The following FAF1 variants were observed in gnomAD, a reference collection of about 807,000 sequenced individuals.
FAF1 encodes the protein FAS-associated factor 1.
FAF1 carries 25 observed loss-of-function variants against 92.5 expected under a neutral mutation model. The observed-to-expected ratio is 0.27, with a 90% CI of 0.20 to 0.38. The LOEUF (loss-of-function observed/expected upper bound fraction) is 0.38, where lower values mean the gene tolerates loss of function less well. Ranked by LOEUF, FAF1 falls within the 10% of genes least tolerant of loss-of-function variation. The probability of loss-of-function intolerance (pLI) is 1.00; values close to 1 mark genes in which losing one functional copy is unlikely to be tolerated. For synonymous variants in FAF1, 234 were observed against 273.2 expected (o/e 0.86, Z 1.42); for missense variants, 636 against 793.3 (o/e 0.80, Z 2.38).
chr1:50,559,767 CA>C (rs1293208868), intron 13 of FAF1, among the ~76,000 whole-genome samples: 2 of 152,128 alleles, frequency 1.3e-5, no homozygotes, highest in Non-Finnish European at 1.5e-5. Context: ...TCCCTCTTCA[CA>C]AAACAAACCA....
chr1:50,531,347 T>C (rs907663020), intron 15 of FAF1, among the ~76,000 whole-genome samples: 1 of 152,110 alleles, frequency 6.6e-6, no homozygotes, highest in Non-Finnish European at 1.5e-5. Flanking sequence ...AATAAACAAA[T>C]GAAACAATAA....
intron 4 of FAF1, among the ~76,000 whole-genome samples, chr1:50,746,405 G>C (rs1476192779): frequency 6.9e-6 from 1 of 144,004 alleles, no homozygotes; most frequent in Non-Finnish European, 1.5e-5. Flanking sequence ...CTGGGGTCAA[G>C]CAATTCTCCT....
At chr1:50,643,679 G>A (rs1442539891) in intron 8 of FAF1, among the ~76,000 whole-genome samples, 9 of 152,178 alleles carry the variant, frequency 5.9e-5, no homozygotes, top group Admixed American at 1.3e-4. Flanking sequence ...AGCAACCTCC[G>A]CCTCCCAGAT....
rs976406059 is a variant in FAF1, at chr1:50,440,378, A to G, written c.*1062T>C. 1.3e-5 allele frequency: 2 copies of G among 152,238 alleles called. No homozygotes were observed. The highest frequency in any genetic ancestry group is 2.9e-5 in the Non-Finnish European group (2 of 68,048). 9.4% of individuals were successfully genotyped at this position (152,238 alleles called of 1,614,324 possible). ...AGTCCCCAAGTTTGCTCTCTTCAAC[A>G]TATGAAGTCTGATTTTTCAGCCACA... On this transcript the variant is annotated 3_prime_UTR_variant, in exon 19 of 19. Transcript: ENST00000396153.
At chr1:50,531,610 CAGTG>C (rs1648173623) in intron 15 of FAF1, among the ~76,000 whole-genome samples, 1 of 152,134 alleles carries the variant, frequency 6.6e-6, no homozygotes, top group African/African-American at 2.4e-5. Flanking sequence ...GGACCTCATC[CAGTG>C]ATATGTACTT....
intron 1 of FAF1, among the ~76,000 whole-genome samples, chr1:50,878,828 CA>C (rs142975619): frequency 1.3e-5 from 2 of 152,254 alleles, no homozygotes; most frequent in Non-Finnish European, 2.9e-5. Flanking sequence ...ACCATTTTAA[CA>C]ATGAGATTAA....
At chr1:50,627,780 C>G (rs1048038463) in intron 8 of FAF1, among the ~76,000 whole-genome samples, 1 of 152,078 alleles carries the variant, frequency 6.6e-6, no homozygotes, top group African/African-American at 2.4e-5. Flanking sequence ...TTTAAAAATT[C>G]ATCAAATTGT....
At chr1:50,945,886 A>G (rs1448512700) in intron 1 of FAF1, among the ~76,000 whole-genome samples, 1 of 152,240 alleles carries the variant, frequency 6.6e-6, no homozygotes, top group Non-Finnish European at 1.5e-5. Flanking sequence ...ATCCATTATC[A>G]GTCTGCATAG....
chr1:50,472,839 T>A (rs897038891), intron 18 of FAF1, among the ~76,000 whole-genome samples: 1 of 152,228 alleles, frequency 6.6e-6, no homozygotes, highest in African/African-American at 2.4e-5. Context: ...CAGACACAGA[T>A]GGCTGTTACA....
At position 50,740,930 on chromosome 1, in the gene FAF1, G is replaced by C. The variant is rs188527409; in HGVS notation, c.460-1976C>G. Reference sequence around the variant, plus strand: ...AAATGCTTGCCATTTGATCATTATTGTTCTTTTTCCATGCCACTATCCAAA... The same window carrying C: ...AAATGCTTGCCATTTGATCATTATTCTTCTTTTTCCATGCCACTATCCAAA... On this transcript the variant is annotated intron_variant, in intron 5 of 18. Coordinates refer to ENST00000396153, the MANE Select transcript of FAF1 (RefSeq NM_007051.3). Among the ~76,000 whole-genome samples the C allele has an allele frequency of 2.4e-3, 364 of 151,962 alleles. 1 individual carries two copies. The highest frequency in any genetic ancestry group is 4.0e-3 in the Non-Finnish European group (274 of 67,934).
At chr1:50,794,029 A>G (rs1442699997) in intron 3 of FAF1, among the ~76,000 whole-genome samples, 1 of 152,252 alleles carries the variant, frequency 6.6e-6, no homozygotes, top group Non-Finnish European at 1.5e-5. Flanking sequence ...CAAATCTGAA[A>G]AAAACTGAAA....
At chr1:50,680,565 C>G (rs1656376796) in intron 7 of FAF1, among the ~76,000 whole-genome samples, 1 of 152,004 alleles carries the variant, frequency 6.6e-6, no homozygotes, top group East Asian at 1.9e-4. Flanking sequence ...TGTCTGTAAT[C>G]CCAGCTACTC....
chr1:50,509,718 C>T (rs1205297981), intron 15 of FAF1, among the ~76,000 whole-genome samples: 1 of 152,090 alleles, frequency 6.6e-6, no homozygotes, highest in East Asian at 1.9e-4. Flanking sequence ...GATTCCAGTC[C>T]TCCTTTCATC....
chr1:50,743,246 A>G (rs892612666), intron 5 of FAF1, among the ~76,000 whole-genome samples: 1 of 152,248 alleles, frequency 6.6e-6, no homozygotes, highest in African/African-American at 2.4e-5. Flanking sequence ...ATATATAAGT[A>G]CTTATAAACA....
chr1:50,957,846 A>G (rs191789613), intron 1 of FAF1, among the ~76,000 whole-genome samples: 1 of 152,376 alleles, frequency 6.6e-6, no homozygotes, highest in East Asian at 1.9e-4. Flanking sequence ...AGTTATAATT[A>G]CTTTATAAAG....
At chr1:50,902,045 G>A (rs1935301) in intron 1 of FAF1, among the ~76,000 whole-genome samples, 152,017 of 152,370 alleles carry the variant, frequency 1, 75,833 homozygotes, top group Middle Eastern at 1. Flanking sequence ...ATGAACTTCC[G>A]AAGAAAGTAA....
intron 4 of FAF1, among the ~76,000 whole-genome samples, chr1:50,765,756 C>G (rs1445943628): frequency 6.6e-6 from 1 of 152,116 alleles, no homozygotes; most frequent in African/African-American, 2.4e-5. Flanking sequence ...GTTAATACTG[C>G]CTGTTACCAC....
chr1:50,509,561 G>A (rs1406604388), intron 15 of FAF1, among the ~76,000 whole-genome samples: 1 of 152,186 alleles, frequency 6.6e-6, no homozygotes, highest in African/African-American at 2.4e-5. Context: ...GCAGTGAGCT[G>A]TGACTGTACC....
chr1:50,825,522 C>A, intron 2 of FAF1, among the ~76,000 whole-genome samples: 1 of 151,598 alleles, frequency 6.6e-6, no homozygotes, highest in African/African-American at 2.4e-5. Flanking sequence ...ACCTAATGAG[C>A]ACATGATCAA....
Sources: allele counts gnomAD v4.1 joint callset (sites outside exome capture counted in the v4.1 genomes callset), GRCh38; gene constraint gnomAD v4.1.1; transcripts MANE v1.5; gene names NCBI Gene and HGNC (gene_info 2026-07-23, HGNC 2026-07-21).